The following KDM6A variants were observed in gnomAD, a reference collection of about 807,000 sequenced individuals.
The protein encoded by KDM6A is lysine-specific demethylase 6A.
In KDM6A, 11 loss-of-function variants were observed where a neutral mutation model predicts 117.6. The observed-to-expected ratio is 0.09, with a 90% confidence interval of 0.06 to 0.15. The LOEUF is 0.15. Ranked by LOEUF, KDM6A falls within the 10% of genes least tolerant of loss-of-function variation. The pLI, the probability that KDM6A is intolerant of heterozygous loss-of-function variation, is 1.00. For synonymous variants in KDM6A, 384 were observed against 396.1 expected (o/e 0.97, Z 0.36); for missense variants, 799 against 1,077.3 (o/e 0.74, Z 3.62).
intron 28 of KDM6A, among the ~76,000 whole-genome samples, chrX:45,109,022 T>C (rs1188712174): frequency 2.0e-5 from 2 of 101,502 alleles, no homozygotes; most frequent in African/African-American, 7.2e-5. Context: ...TAATGCTAGA[T>C]GATGAGTTAG....
At chrX:44,926,215 C>A (rs1195399689) in intron 2 of KDM6A, among the ~76,000 whole-genome samples, 3 of 109,962 alleles carry the variant, frequency 2.7e-5, no homozygotes, top group Non-Finnish European at 5.7e-5. Context: ...GGACTACAGG[C>A]TCACGTGCTA....
intron 4 of KDM6A, among the ~76,000 whole-genome samples, chrX:45,000,129 T>C (rs1331267273): frequency 2.7e-5 from 3 of 112,135 alleles, no homozygotes; most frequent in African/African-American, 9.7e-5. Context: ...AAGGCTATCC[T>C]GTTTTCCCCA....
intron 3 of KDM6A, among the ~76,000 whole-genome samples, chrX:44,969,994 A>C (rs1272902314): frequency 8.9e-6 from 1 of 112,478 alleles, no homozygotes; most frequent in African/African-American, 3.2e-5. Context: ...CTTAAAGATT[A>C]GAAATAAGGA....
At chrX:45,040,584 C>T (rs1296591334) in intron 8 of KDM6A, among the ~76,000 whole-genome samples, 2 of 77,090 alleles carry the variant, frequency 2.6e-5, no homozygotes, top group Non-Finnish European at 4.9e-5. Context: ...GGCAGAGGCG[C>T]CCCTCACCTC....
At chrX:44,913,426 G>A (rs750081910) in intron 2 of KDM6A, among the ~76,000 whole-genome samples, 3 of 107,480 alleles carry the variant, frequency 2.8e-5, no homozygotes, top group Admixed American at 1.0e-4. Context: ...AGCCTCCCGA[G>A]TAAATGAGAT....
At chrX:45,036,956 A>G (rs1344411157) in intron 7 of KDM6A, among the ~76,000 whole-genome samples, 1 of 113,127 alleles carries the variant, frequency 8.8e-6, no homozygotes, top group African/African-American at 3.2e-5. Context: ...TTGAACCATC[A>G]TGAGTGCTAC....
intron 8 of KDM6A, among the ~76,000 whole-genome samples, chrX:45,041,974 G>A (rs1269453686): frequency 9.1e-6 from 1 of 110,325 alleles, no homozygotes; most frequent in Non-Finnish European, 1.9e-5. Context: ...TGAGCACTGA[G>A]TGAACGAGAC....
At chrX:44,965,363 A>G (rs1322984076) in intron 3 of KDM6A, among the ~76,000 whole-genome samples, 1 of 112,283 alleles carries the variant, frequency 8.9e-6, no homozygotes, top group South Asian at 3.7e-4. Flanking sequence ...GCTGTTTGGC[A>G]CAAGAGGCCT....
intron 6 of KDM6A, among the ~76,000 whole-genome samples, chrX:45,029,610 A>C (rs2042523857): frequency 1.4e-5 from 1 of 69,708 alleles, no homozygotes; most frequent in Non-Finnish European, 2.3e-5. Flanking sequence ...AGATTGTCTC[A>C]AAAAAAAAAA....
Position 44,964,450 on chromosome X carries a change from G to GAAA in KDM6A, c.334+3074_334+3076dup, listed in dbSNP as rs565164399. Reference sequence around the variant, plus strand: ...GGTGACAGAGTGAGACTCTGTCTCAGAAAAAAAAAAAAAAAAAAGACTTGG... The same window carrying GAAA: ...GGTGACAGAGTGAGACTCTGTCTCAGAAAAAAAAAAAAAAAAAAAAAGACTTGG... On this transcript the variant is annotated intron_variant, in intron 3 of 29. Transcript: ENST00000611820. Among the ~76,000 whole-genome samples the GAAA allele has an allele frequency of 4.5e-3, 243 of 54,209 alleles. 3 individuals are homozygous for GAAA. The highest frequency in any genetic ancestry group is 0.013 in the African/African-American group (219 of 17,184). 47.1% of individuals were successfully genotyped at this position (54,209 alleles called of 115,157 possible). A position where few individuals can be genotyped will look rare whatever the true frequency, so the allele number is the denominator to read the frequency against.
intron 4 of KDM6A, 92 bp downstream of exon 4, chrX:44,974,807 TTG>T: frequency 1.5e-6 from 1 of 655,876 alleles, no homozygotes; most frequent in Non-Finnish European, 2.5e-6. Context: ...TTGCTTTTTT[TTG>T]TTAATTACTT....
At chrX:44,996,267 G>A (rs1370540433) in intron 4 of KDM6A, among the ~76,000 whole-genome samples, 1 of 109,270 alleles carries the variant, frequency 9.2e-6, no homozygotes, top group East Asian at 3.0e-4. Context: ...GAGAATGAGA[G>A]TCTCACTATG....
chrX:44,961,135 T>G (rs941991771), intron 2 of KDM6A, 149 bp from the exon 3 acceptor site: 2 of 417,364 alleles, frequency 4.8e-6, no homozygotes, highest in Non-Finnish European at 8.2e-6. Flanking sequence ...TTCTATAGAA[T>G]GTTGTATTGA....
At chrX:44,884,102 C>CAA (rs60159327) in intron 2 of KDM6A, among the ~76,000 whole-genome samples, 16 of 23,773 alleles carry the variant, frequency 6.7e-4, no homozygotes, top group Non-Finnish European at 7.7e-4. Context: ...AACTCTATCT[C>CAA]AAAAAAAAAA....
At chrX:44,876,959 G>A (rs1054422350) in intron 2 of KDM6A, among the ~76,000 whole-genome samples, 7 of 81,605 alleles carry the variant, frequency 8.6e-5, no homozygotes, top group African/African-American at 5.5e-4. Flanking sequence ...ACGTATATAC[G>A]CACGTATATG....
At chrX:45,067,527 A>T (rs1335040899) in intron 17 of KDM6A, among the ~76,000 whole-genome samples, 1 of 111,177 alleles carries the variant, frequency 9.0e-6, no homozygotes, top group Admixed American at 9.6e-5. Flanking sequence ...TTTTTGCTTT[A>T]TGAGAAATTT....
chrX:44,966,648 T>C (rs2039027598), intron 3 of KDM6A, among the ~76,000 whole-genome samples: 1 of 110,584 alleles, frequency 9.0e-6, no homozygotes, highest in African/African-American at 3.3e-5. Flanking sequence ...GTTGTGTAGA[T>C]GACCTGGGCA....
chrX:45,054,014 T>G, intron 10 of KDM6A, 59 bp downstream of exon 10: 1 of 1,112,065 alleles, frequency 9.0e-7, no homozygotes, highest in Non-Finnish European at 1.2e-6. Flanking sequence ...AGATTTGAAT[T>G]ACAATTTAAA....
chrX:45,086,469 TATTTTTA>T lies in KDM6A; in HGVS notation c.3704+492_3704+498del, dbSNP rs1164195223. ...TTTATAAAATGTATTATTTATTTTT[TATTTTTA>T]AATAGAGATGGGGTTTCACCATGTT... On this transcript the variant is annotated intron_variant, in intron 25 of 29. Coordinates refer to ENST00000611820, the MANE Select transcript of KDM6A (RefSeq NM_001291415.2). Among the ~76,000 whole-genome samples, 3 of 111,507 alleles carry T rather than the reference TATTTTTA, an allele frequency of 2.7e-5. No individual in the cohort carries two copies. The East Asian group carries it at 8.4e-4, about 31-fold the overall frequency.
Sources: gnomAD v4.1 joint callset for allele counts (sites outside exome capture counted in the v4.1 genomes callset) on GRCh38, gnomAD v4.1.1 for gene constraint, MANE v1.5 for transcripts, NCBI Gene and HGNC (gene_info 2026-07-23, HGNC 2026-07-21) for gene names.